The following OR4N2 variants were observed in gnomAD, a reference collection of about 807,000 sequenced individuals.
OR4N2 encodes olfactory receptor family 4 subfamily N member 2, also known as olfactory receptor 4N2.
For missense variants in OR4N2, 307 were observed against 377.6 expected, an observed-to-expected ratio of 0.81 and a Z score of 1.55; for synonymous variants, 141 against 140.4, an observed-to-expected ratio of 1.00 and a Z score of -0.03.
intron 1 of OR4N2, among the ~76,000 whole-genome samples, chr14:19,811,408 G>A (rs1408840982): frequency 1.3e-5 from 2 of 152,250 alleles, no homozygotes; most frequent in East Asian, 3.9e-4. Flanking sequence ...CACCACGCCT[G>A]GCTAATTTTT....
In OR4N2 at chr14:19,821,018, G is replaced by A. The variant is rs551818426; in HGVS notation, c.-9-6422G>A. ...CATCTACCTCAGTGTCTGCCCAAAT[G>A]GCTGCCTAGTTTTGTGCTTGAAACC... On this transcript the variant is annotated intron_variant, in intron 1 of 1. Transcript: ENST00000557677. Among the ~76,000 whole-genome samples, 249 of 152,350 alleles carry A rather than the reference G, an allele frequency of 1.6e-3. 1 individual carries two copies. The highest frequency in any genetic ancestry group is 6.8e-3 in the Middle Eastern group (2 of 294).
At chr14:19,827,077 C>T (rs1203500635) in intron 1 of OR4N2, among the ~76,000 whole-genome samples, 1 of 152,226 alleles carries the variant, frequency 6.6e-6, no homozygotes, top group Non-Finnish European at 1.5e-5. Context: ...AGTATATCCA[C>T]AAAAACTCAA....
rs755213167 is a variant in OR4N2, at chr14:19,828,110, T to C, written c.662T>C (p.Ile221Thr). The change falls in exon 2 of 2, where the codon ATT becomes ACT. Residue 221 changes from isoleucine (I) to threonine (T), a missense_variant. Coordinates refer to ENST00000557677, the MANE Select transcript of OR4N2 (RefSeq NM_001004723.3). ...FLGLLASYAV[I>T]LCRIRGSSSE... Reference sequence around the variant, plus strand: ...GGGCTTCTGGCCTCCTATGCAGTCATTCTTTGTCGCATACGAGGGTCTTCT... The same window carrying C: ...GGGCTTCTGGCCTCCTATGCAGTCACTCTTTGTCGCATACGAGGGTCTTCT... 4.3e-6 allele frequency: 7 copies of C among 1,614,250 alleles called. No individual in the cohort carries two copies. The highest frequency in any genetic ancestry group is 5.9e-6 in the Non-Finnish European group (7 of 1,180,032).
Position 19,827,818 on chromosome 14 carries a change from A to G in OR4N2, c.370A>G (p.Ile124Val), listed in dbSNP as rs563498346. ...LLVVMAFDRY[I>V]AICRPLHYPT... ...TGTTGTGATGGCCTTTGACCGCTACATCGCCATCTGCCGGCCTCTGCACTA... is the reference window on the plus strand; with the variant it reads ...TGTTGTGATGGCCTTTGACCGCTACGTCGCCATCTGCCGGCCTCTGCACTA... The change falls in exon 2 of 2, where the codon ATC becomes GTC. Residue 124 changes from isoleucine (I) to valine (V), a missense_variant. Physicochemically the swap from Ile to Val is conservative, Grantham distance 29. Transcript: ENST00000557677. The G allele has an allele frequency of 6.2e-7, 1 of 1,614,238 alleles. No homozygotes were observed. Among genetic ancestry groups the G allele is most frequent in the Admixed American group, 1.7e-5 (1 of 60,024 alleles).
chr14:19,804,012 T>A (rs1290301583), intron 1 of OR4N2, among the ~76,000 whole-genome samples, 168 bp downstream of exon 1: 1 of 152,252 alleles, frequency 6.6e-6, no homozygotes, highest in African/African-American at 2.4e-5. Flanking sequence ...TGAGGGTTTT[T>A]AAAAAATATT....
At chr14:19,810,244 C>T (rs979538529) in intron 1 of OR4N2, among the ~76,000 whole-genome samples, 6 of 152,198 alleles carry the variant, frequency 3.9e-5, no homozygotes, top group Admixed American at 2.0e-4. Context: ...AAAAAATGTT[C>T]GACATCGCTA....
intron 1 of OR4N2, among the ~76,000 whole-genome samples, chr14:19,820,056 G>A (rs1048065444): frequency 6.6e-6 from 1 of 152,222 alleles, no homozygotes; most frequent in African/African-American, 2.4e-5. Context: ...CCTTCTTCTG[G>A]AAGCTTTGTC....
chr14:19,828,177 T>C lies in OR4N2; in HGVS notation c.729T>C (p.His243=), dbSNP rs781073411. 1.2e-6 allele frequency: 2 copies of C among 1,614,248 alleles called. No homozygotes were observed. The highest frequency in any genetic ancestry group is 3.3e-5 in the Admixed American group (2 of 60,028). ...AGGCCATGTCCACGTGCATCACCCA[T>C]ATCATTGTTATATTCTTCATGTTTG... The part of the protein sequence containing the change: ...KNKAMSTCIT[H]IIVIFFMFGP... The change falls in exon 2 of 2, where the codon CAT becomes CAC. Residue 243 remains histidine, a synonymous_variant. Coordinates refer to ENST00000557677, the MANE Select transcript of OR4N2 (RefSeq NM_001004723.3).
chr14:19,805,856 A>G (rs915979913), intron 1 of OR4N2, among the ~76,000 whole-genome samples: 2 of 152,186 alleles, frequency 1.3e-5, no homozygotes, highest in African/African-American at 2.4e-5. Flanking sequence ...AGGGAACCCC[A>G]TCAGGCTAGC....
At chr14:19,808,432 T>A (rs575169593) in intron 1 of OR4N2, among the ~76,000 whole-genome samples, 1 of 152,168 alleles carries the variant, frequency 6.6e-6, no homozygotes, top group Non-Finnish European at 1.5e-5. Flanking sequence ...TTTCCATACA[T>A]CAATAATGTC....
Position 19,827,939 on chromosome 14 carries a change from T to C in OR4N2, c.491T>C (p.Leu164Pro), listed in dbSNP as rs1049243888. The change falls in exon 2 of 2, where the codon CTC becomes CCC. Residue 164 changes from leucine to proline, a missense_variant. By Grantham distance (98) the Leu-to-Pro change is moderately conservative. Coordinates refer to ENST00000557677, the MANE Select transcript of OR4N2 (RefSeq NM_001004723.3). ...TCCATTATCCAGGTGGTCCTCATCC[T>C]CCGCTTGCCTTTTTGTGGCCCAAAC... ...VHSIIQVVLI[L>P]RLPFCGPNQL... 6.2e-7 allele frequency: 1 copy of C among 1,614,262 alleles called. No individual in the cohort carries two copies. Among genetic ancestry groups the C allele is most frequent in the African/African-American group, 1.3e-5 (1 of 75,066 alleles).
intron 1 of OR4N2, among the ~76,000 whole-genome samples, chr14:19,815,655 G>GTTTTTTTTTTTTTTTTTTTTTTTTT: frequency 7.2e-6 from 1 of 138,520 alleles, no homozygotes. Context: ...GTTTTTTTTT[G>GTTTTTTTTTTTTTTTTTTTTTTTTT]TTTTTTTTTT....
intron 1 of OR4N2, among the ~76,000 whole-genome samples, chr14:19,821,124 A>G (rs6572021): frequency 0.38 from 57,456 of 149,326 alleles, 6,625 homozygotes; most frequent in South Asian, 0.48. Context: ...CTAGTATCTG[A>G]ATCAGAATGC....
intron 1 of OR4N2, among the ~76,000 whole-genome samples, chr14:19,814,827 C>A (rs1879385444): frequency 6.6e-6 from 1 of 152,198 alleles, no homozygotes; most frequent in Admixed American, 6.5e-5. Context: ...CCCTAGCCCC[C>A]CACCCTGTGA....
intron 1 of OR4N2, among the ~76,000 whole-genome samples, chr14:19,819,093 C>T (rs1174992428): frequency 2.6e-5 from 4 of 152,188 alleles, no homozygotes; most frequent in Non-Finnish European, 5.9e-5. Context: ...AACTACTTGA[C>T]CTTTCTTTCT....
At chr14:19,816,781 A>G (rs1477647863) in intron 1 of OR4N2, among the ~76,000 whole-genome samples, 1 of 152,254 alleles carries the variant, frequency 6.6e-6, no homozygotes, top group African/African-American at 2.4e-5. Context: ...CTGGTTTTCA[A>G]AGAGAATGCT....
chr14:19,811,790 G>A (rs1594394732), intron 1 of OR4N2, among the ~76,000 whole-genome samples: 1 of 152,210 alleles, frequency 6.6e-6, no homozygotes, highest in Non-Finnish European at 1.5e-5. Context: ...AAATGAAAGG[G>A]AGCCTCTCCA....
intron 1 of OR4N2, among the ~76,000 whole-genome samples, chr14:19,805,462 C>T (rs1049147872): frequency 6.6e-6 from 1 of 152,176 alleles, no homozygotes; most frequent in Non-Finnish European, 1.5e-5. Flanking sequence ...GAAATATTAA[C>T]AGCAAAATAG....
intron 1 of OR4N2, among the ~76,000 whole-genome samples, chr14:19,808,341 T>G (rs1879215959): frequency 6.6e-6 from 1 of 152,116 alleles, no homozygotes; most frequent in South Asian, 2.1e-4. Flanking sequence ...AACCCTAACT[T>G]TCACAAAAAA....
Sources: allele counts gnomAD v4.1 joint callset (sites outside exome capture counted in the v4.1 genomes callset), GRCh38; gene constraint gnomAD v4.1.1; transcripts MANE v1.5; gene names NCBI Gene and HGNC (gene_info 2026-07-23, HGNC 2026-07-21).